Variants in IKZF3 observed in about 807,000 individuals in gnomAD.
The protein encoded by IKZF3 is zinc finger protein Aiolos.
IKZF3 carries 10 observed loss-of-function variants against 49.0 expected under a neutral mutation model. The observed-to-expected ratio is 0.20, with a 90% CI of 0.13 to 0.35. The LOEUF (loss-of-function observed/expected upper bound fraction) is 0.35. IKZF3 is among the 10% of genes least tolerant of loss of function. The pLI, the probability that IKZF3 is intolerant of heterozygous loss-of-function variation, is 1.00. For synonymous variants in IKZF3, 209 were observed against 228.2 expected, an observed-to-expected ratio of 0.92 and a Z score of 0.76; for missense variants, 498 against 664.8, an observed-to-expected ratio of 0.75 and a Z score of 2.76.
intron 1 of IKZF3, among the ~76,000 whole-genome samples, chr17:39,851,135 T>C (rs1369574774): frequency 6.6e-6 from 1 of 151,054 alleles, no homozygotes; most frequent in South Asian, 2.1e-4. Context: ...TCATGGCTCA[T>C]TGCAGACTTG....
At chr17:39,794,375 C>T (rs192797400) in intron 3 of IKZF3, among the ~76,000 whole-genome samples, 165 of 152,286 alleles carry the variant, frequency 1.1e-3, no homozygotes, top group African/African-American at 3.8e-3. Flanking sequence ...AAACTACATC[C>T]CTTCCAAAAA....
At chr17:39,792,978 A>G in intron 3 of IKZF3, 45 bp from the exon 4 acceptor site, 1 of 1,586,392 alleles carries the variant, frequency 6.3e-7, no homozygotes, top group South Asian at 1.2e-5. Flanking sequence ...CTATACTTGA[A>G]GCTATCAAAG....
intron 1 of IKZF3, among the ~76,000 whole-genome samples, chr17:39,852,392 CA>C (rs1163289896): frequency 6.6e-6 from 1 of 152,172 alleles, no homozygotes; most frequent in East Asian, 1.9e-4. Context: ...AGGTCACTAG[CA>C]AGTGTTATGT....
chr17:39,829,242 C>A, intron 3 of IKZF3, 145 bp downstream of exon 3: 2 of 558,610 alleles, frequency 3.6e-6, no homozygotes, highest in Non-Finnish European at 6.3e-6. Context: ...CTATGAAATG[C>A]AAATATTTGT....
chr17:39,833,604 A>C (rs2062178651), intron 1 of IKZF3, among the ~76,000 whole-genome samples: 1 of 152,196 alleles, frequency 6.6e-6, no homozygotes, highest in Non-Finnish European at 1.5e-5. Context: ...TCAGTAGTTC[A>C]TTCTTTTTTA....
intron 3 of IKZF3, among the ~76,000 whole-genome samples, chr17:39,817,828 A>G (rs1257039035): frequency 6.6e-6 from 1 of 152,212 alleles, no homozygotes; most frequent in African/African-American, 2.4e-5. Flanking sequence ...CAGTGTTAAT[A>G]GTACAGTAGA....
At chr17:39,802,742 C>A (rs2061351567) in intron 3 of IKZF3, among the ~76,000 whole-genome samples, 2 of 150,160 alleles carry the variant, frequency 1.3e-5, no homozygotes, top group Admixed American at 1.3e-4. Context: ...ATCACCTGAG[C>A]CTGGAGAGGT....
At chr17:39,860,145 T>G (rs1433626080) in intron 1 of IKZF3, among the ~76,000 whole-genome samples, 1 of 152,130 alleles carries the variant, frequency 6.6e-6, no homozygotes, top group Non-Finnish European at 1.5e-5. Flanking sequence ...GGTGGATGCC[T>G]GTAGTCCTAG....
intron 7 of IKZF3, among the ~76,000 whole-genome samples, chr17:39,776,110 G>A (rs554003012): frequency 6.6e-6 from 1 of 152,198 alleles, no homozygotes; most frequent in Admixed American, 6.5e-5. Flanking sequence ...AATTAGCTGA[G>A]CCTGGTGGTG....
intron 7 of IKZF3, among the ~76,000 whole-genome samples, chr17:39,769,188 C>T (rs571610625): frequency 8.5e-5 from 13 of 152,300 alleles, no homozygotes; most frequent in Non-Finnish European, 1.9e-4. Context: ...GTGGGCATTC[C>T]GAATGGCCCA....
At chr17:39,796,192 C>T (rs1418244790) in intron 3 of IKZF3, among the ~76,000 whole-genome samples, 2 of 152,028 alleles carry the variant, frequency 1.3e-5, no homozygotes, top group East Asian at 3.9e-4. Flanking sequence ...CATCCCATTC[C>T]CTGGAAGACT....
chr17:39,803,299 T>C (rs978582117), intron 3 of IKZF3, among the ~76,000 whole-genome samples: 9 of 152,334 alleles, frequency 5.9e-5, no homozygotes, highest in Admixed American at 2.6e-4. Context: ...TTTTCATCTA[T>C]GTATTAAACT....
chr17:39,786,710 C>T (rs2060883774), intron 6 of IKZF3, among the ~76,000 whole-genome samples: 1 of 152,156 alleles, frequency 6.6e-6, no homozygotes, highest in Non-Finnish European at 1.5e-5. Flanking sequence ...CCTCTTGCCT[C>T]AGCCTCCTCA....
intron 3 of IKZF3, among the ~76,000 whole-genome samples, chr17:39,824,749 G>A (rs2061911442): frequency 2.0e-5 from 3 of 151,246 alleles, no homozygotes; most frequent in African/African-American, 4.9e-5. Flanking sequence ...AGGCTGGAGT[G>A]CAGTGGCGTG....
At chr17:39,796,782 G>A (rs546355949) in intron 3 of IKZF3, among the ~76,000 whole-genome samples, 7 of 149,200 alleles carry the variant, frequency 4.7e-5, no homozygotes, top group African/African-American at 1.7e-4. Context: ...TCCTGACCTC[G>A]TGATCCACCC....
Position 39,777,681 on chromosome 17 carries a change from G to A in IKZF3, c.796C>T (p.Arg266Ter). The A allele has an allele frequency of 6.2e-7, 1 of 1,613,130 alleles. No individual in the cohort carries two copies. Among genetic ancestry groups the A allele is most frequent in the Non-Finnish European group, 8.5e-7 (1 of 1,179,574 alleles). The change falls in exon 7 of 8, where the codon CGA (arginine) becomes TGA (stop). Residue 266 changes from arginine to a stop codon, truncating the protein, a stop_gained. Coordinates refer to ENST00000346872, the MANE Select transcript of IKZF3 (RefSeq NM_012481.5). LOFTEE classifies it high-confidence loss of function. ...LDRLASNVAK[R>*]KSSMPQKFIG... ...AATTTCTGAGGCATTGAGCTTTTTC[G>A]TTTTGCCACATTGCTTGCTAATCTG...
intron 3 of IKZF3, among the ~76,000 whole-genome samples, chr17:39,818,282 T>C (rs567089894): frequency 7.9e-5 from 12 of 152,244 alleles, no homozygotes; most frequent in Admixed American, 1.3e-4. Flanking sequence ...CGTTTTTTCC[T>C]ATACATACAT....
intron 3 of IKZF3, among the ~76,000 whole-genome samples, chr17:39,801,408 A>G (rs1039726837): frequency 7.2e-5 from 11 of 152,186 alleles, no homozygotes; most frequent in African/African-American, 2.7e-4. Context: ...AATTAAACAA[A>G]TTGTGAAAGC....
At chr17:39,767,469 G>A (rs1019630140) in intron 7 of IKZF3, among the ~76,000 whole-genome samples, 3 of 152,128 alleles carry the variant, frequency 2.0e-5, no homozygotes, top group Non-Finnish European at 2.9e-5. Flanking sequence ...AAGCGAGGAA[G>A]TGGAGCCGAG....
Sources: allele counts gnomAD v4.1 joint callset (sites outside exome capture counted in the v4.1 genomes callset), GRCh38; gene constraint gnomAD v4.1.1; transcripts MANE v1.5; gene names NCBI Gene and HGNC (gene_info 2026-07-23, HGNC 2026-07-21).